Variants in RBM47 observed in about 807,000 individuals in gnomAD.
RBM47 encodes the protein RNA-binding protein 47.
RBM47 carries 21 observed loss-of-function variants against 47.1 expected under a neutral mutation model. The ratio of observed to expected loss-of-function variants is 0.45; its 90% confidence interval spans 0.32 to 0.64. The LOEUF is 0.64. Ranked by LOEUF, RBM47 falls within the 30% of genes least tolerant of loss-of-function variation. The pLI is 0.05. For synonymous variants in RBM47, 375 were observed against 361.7 expected (o/e 1.04, Z -0.42); for missense variants, 708 against 870.9 (o/e 0.81, Z 2.35).
intron 2 of RBM47, among the ~76,000 whole-genome samples, chr4:40,501,771 C>T (rs1723404661): frequency 6.6e-6 from 1 of 152,184 alleles, no homozygotes; most frequent in Non-Finnish European, 1.5e-5. Context: ...AATGCCTTTT[C>T]CATTGCAATG....
rs1315147747 is a variant in RBM47, at chr4:40,578,661, C to T, written c.-239-34155G>A. 2.6e-5 allele frequency among the ~76,000 whole-genome samples: 4 copies of T among 152,284 alleles called. No individual in the cohort carries two copies. The East Asian group carries it at 7.7e-4, about 29-fold the overall frequency. On this transcript the variant is annotated intron_variant, in intron 1 of 6. Coordinates refer to ENST00000295971, the MANE Select transcript of RBM47 (RefSeq NM_001098634.2). ...CCTTTTCTATCATTTTCTCTTCTAC[C>T]TTAACTTCTAGAGTTATTATGTTAC...
intron 1 of RBM47, among the ~76,000 whole-genome samples, chr4:40,619,663 G>C (rs1297472924): frequency 5.9e-5 from 9 of 152,100 alleles, no homozygotes; most frequent in Non-Finnish European, 1.3e-4. Context: ...AGCGAAGATG[G>C]ACATCTCCCT....
At chr4:40,465,976 T>C (rs1272003864) in intron 3 of RBM47, among the ~76,000 whole-genome samples, 1 of 152,074 alleles carries the variant, frequency 6.6e-6, no homozygotes, top group Non-Finnish European at 1.5e-5. Context: ...GACTGAAACA[T>C]AGTTGACTGG....
At chr4:40,474,348 G>A (rs1553886127) in intron 2 of RBM47, among the ~76,000 whole-genome samples, 2 of 151,864 alleles carry the variant, frequency 1.3e-5, no homozygotes, top group Non-Finnish European at 2.9e-5. Flanking sequence ...ACTGTTGGTC[G>A]CCCCCCACAC....
Position 40,535,378 on chromosome 4 carries a change from T to TTTTTTTTTTTTCTTTTTTTTTTC in RBM47, c.-155+9043_-155+9044insGAAAAAAAAAAGAAAAAAAAAAA, listed in dbSNP as rs1281327401. Among the ~76,000 whole-genome samples the TTTTTTTTTTTTCTTTTTTTTTTC allele has an allele frequency of 2.6e-3, 354 of 137,024 alleles. 13 individuals are homozygous for TTTTTTTTTTTTCTTTTTTTTTTC. Among genetic ancestry groups the TTTTTTTTTTTTCTTTTTTTTTTC allele is most frequent in the African/African-American group, 9.7e-3 (336 of 34,554 alleles). The allele number at this position is 137,024 out of a possible 152,430, so 89.9% of individuals were successfully genotyped here. A position where few individuals can be genotyped will look rare whatever the true frequency, so the allele number is the denominator to read the frequency against. ...CAGCCTGGTATGGTATTTCTTTTTT[T>TTTTTTTTTTTTCTTTTTTTTTTC]TTTTTTTTTTTTGAGACGGAGCCTT... On this transcript the variant is annotated intron_variant, in intron 2 of 6. Transcript: ENST00000295971.
intron 3 of RBM47, among the ~76,000 whole-genome samples, chr4:40,445,299 G>A (rs1291012707): frequency 6.6e-6 from 1 of 150,724 alleles, no homozygotes; most frequent in African/African-American, 2.4e-5. Flanking sequence ...AAAAGACAGT[G>A]TTGTTTAGCT....
chr4:40,432,203 T>TACACACAC (rs61008905), intron 6 of RBM47, among the ~76,000 whole-genome samples: 1,650 of 147,802 alleles, frequency 0.011, 44 homozygotes, highest in African/African-American at 0.04. Flanking sequence ...TCTCTCTCTT[T>TACACACAC]ACACACACAC....
Position 40,588,834 on chromosome 4 carries a change from C to G in RBM47, c.-240+40562G>C, listed in dbSNP as rs543719829. Among the ~76,000 whole-genome samples the G allele has an allele frequency of 3.3e-5, 5 of 151,990 alleles. No homozygotes were observed. In the East Asian group the frequency reaches 9.6e-4, roughly 29 times the overall value. ...AACAAGGAGAGACATTGGCATAGTT[C>G]AGCAACAGGGGCACTGGAATCGTGG... On this transcript the variant is annotated intron_variant, in intron 1 of 6. Transcript: ENST00000295971.
chr4:40,564,383 A>G (rs1730904228), intron 1 of RBM47, among the ~76,000 whole-genome samples: 1 of 152,140 alleles, frequency 6.6e-6, no homozygotes, highest in African/African-American at 2.4e-5. Flanking sequence ...AAGGTGAGCT[A>G]CCCCCGAACC....
At chr4:40,534,014 C>T (rs968761452) in intron 2 of RBM47, among the ~76,000 whole-genome samples, 2 of 151,954 alleles carry the variant, frequency 1.3e-5, no homozygotes, top group Admixed American at 1.3e-4. Context: ...GTGGTTTCCC[C>T]GTGTTGGTCA....
chr4:40,483,821 A>G (rs571295946), intron 2 of RBM47, among the ~76,000 whole-genome samples: 1 of 152,384 alleles, frequency 6.6e-6, no homozygotes, highest in Non-Finnish European at 1.5e-5. Context: ...CAAGTATGAA[A>G]GCATCAAAAC....
In RBM47 at chr4:40,618,828, AAAAAAAG is replaced by A. The variant is rs1157196654; in HGVS notation, c.-240+10561_-240+10567del. On this transcript the variant is annotated intron_variant, in intron 1 of 6. Coordinates refer to ENST00000295971, the MANE Select transcript of RBM47 (RefSeq NM_001098634.2). The stretch of plus-strand genomic sequence containing the variant: ...CATCTCAAAAAAAAAAAAAAAAAAA[AAAAAAAG>A]GGAAACTTCCAGCATCTCCTTGGGA... Among the ~76,000 whole-genome samples, 275 of 150,666 alleles carry A rather than the reference AAAAAAAG, an allele frequency of 1.8e-3. 2 individuals carry two copies. The highest frequency in any genetic ancestry group is 6.0e-3 in the African/African-American group (246 of 41,052).
At chr4:40,534,929 C>T (rs568526118) in intron 2 of RBM47, among the ~76,000 whole-genome samples, 6 of 141,506 alleles carry the variant, frequency 4.2e-5, no homozygotes, top group South Asian at 2.2e-4. Flanking sequence ...AGCAAGACTC[C>T]GTCTCAGAAA....
At chr4:40,611,947 G>A (rs1001394514) in intron 1 of RBM47, among the ~76,000 whole-genome samples, 2 of 152,130 alleles carry the variant, frequency 1.3e-5, no homozygotes, top group African/African-American at 4.8e-5. Context: ...ATCAAGCGTT[G>A]AGTCTTGGCC....
At chr4:40,460,121 C>T (rs183009452) in intron 3 of RBM47, among the ~76,000 whole-genome samples, 1 of 152,176 alleles carries the variant, frequency 6.6e-6, no homozygotes, top group African/African-American at 2.4e-5. Flanking sequence ...CACACCAACC[C>T]CTAATGGATT....
rs867491867 is a variant in RBM47, at chr4:40,437,925, C to G, written c.969G>C (p.Gln323His). ...TGGCTGCCTTCTGGTAGCGCGAGTACTGCTCCTTGTCCACGGGCTTGGCCA... is the reference window on the plus strand; with the variant it reads ...TGGCTGCCTTCTGGTAGCGCGAGTAGTGCTCCTTGTCCACGGGCTTGGCCA... ...VTLAKPVDKE[Q>H]YSRYQKAARG... is the part of the protein sequence containing the mutation. Residue 323 changes from glutamine to histidine, a missense_variant, in exon 4 of 7, where the codon CAG becomes CAC. Gln to His is a conservative substitution (Grantham distance 24). Transcript: ENST00000295971. The G allele has an allele frequency of 1.2e-6, 2 of 1,613,848 alleles. No homozygotes were observed. Among genetic ancestry groups the G allele is most frequent in the Non-Finnish European group, 1.7e-6 (2 of 1,180,020 alleles).
intron 6 of RBM47, among the ~76,000 whole-genome samples, chr4:40,428,208 A>T (rs1715349008): frequency 6.6e-6 from 1 of 151,922 alleles, no homozygotes; most frequent in Non-Finnish European, 1.5e-5. Context: ...AAAACAAAAC[A>T]AAACAAAACA....
chr4:40,443,289 T>G (rs56837292), intron 3 of RBM47, among the ~76,000 whole-genome samples: 5,194 of 152,032 alleles, frequency 0.034, 307 homozygotes, highest in African/African-American at 0.12. Flanking sequence ...ACCATACACT[T>G]AAAAATGGTA....
At chr4:40,535,874 T>C (rs930277389) in intron 2 of RBM47, among the ~76,000 whole-genome samples, 29 of 152,114 alleles carry the variant, frequency 1.9e-4, no homozygotes, top group African/African-American at 5.8e-4. Context: ...ATATTTTTTT[T>C]CCCCCTCATA....
Sources: gnomAD v4.1 joint callset for allele counts (sites outside exome capture counted in the v4.1 genomes callset) on GRCh38, gnomAD v4.1.1 for gene constraint, MANE v1.5 for transcripts, NCBI Gene and HGNC (gene_info 2026-07-23, HGNC 2026-07-21) for gene names.